The following TNPO1 variants were observed in gnomAD, a reference collection of about 807,000 sequenced individuals.
The protein encoded by TNPO1 is transportin 1.
In TNPO1, 8 loss-of-function variants were observed where a neutral mutation model predicts 119.5. That is an observed-to-expected ratio of 0.07 (90% confidence interval 0.04 to 0.12). The LOEUF is 0.12. Ranked by LOEUF, TNPO1 falls within the 10% of genes least tolerant of loss-of-function variation. The pLI, the probability that TNPO1 is intolerant of heterozygous loss-of-function variation, is 1.00. For missense variants in TNPO1, 576 were observed against 1,089.8 expected, an observed-to-expected ratio of 0.53 and a Z score of 6.64; for synonymous variants, 362 against 363.0, an observed-to-expected ratio of 1.00 and a Z score of 0.03.
At chr5:72,840,601 A>T (rs528723582) in intron 1 of TNPO1, among the ~76,000 whole-genome samples, 1 of 152,202 alleles carries the variant, frequency 6.6e-6, no homozygotes, top group Non-Finnish European at 1.5e-5. Flanking sequence ...TGTGAATATT[A>T]AATGGGCTAA....
chr5:72,831,656 A>G (rs1380726881), intron 1 of TNPO1, among the ~76,000 whole-genome samples: 2 of 152,044 alleles, frequency 1.3e-5, no homozygotes, highest in Non-Finnish European at 2.9e-5. Context: ...TATTCAAGAA[A>G]GCCTTTCTCT....
At chr5:72,823,797 AC>A (rs1277953397) in intron 1 of TNPO1, among the ~76,000 whole-genome samples, 6 of 152,152 alleles carry the variant, frequency 3.9e-5, no homozygotes, top group African/African-American at 1.4e-4. Context: ...CAGAAAAAAA[AC>A]CACACAACCA....
chr5:72,867,029 A>G (rs1399168988), intron 6 of TNPO1, among the ~76,000 whole-genome samples: 1 of 151,996 alleles, frequency 6.6e-6, no homozygotes, highest in East Asian at 1.9e-4. Context: ...AAGTTTAAAA[A>G]ATTAGCTGAG....
At chr5:72,863,770 C>T (rs1746664726) in intron 5 of TNPO1, among the ~76,000 whole-genome samples, 1 of 147,696 alleles carries the variant, frequency 6.8e-6, no homozygotes, top group South Asian at 2.1e-4. Flanking sequence ...TTTGGAAATA[C>T]ACTGATAAGA....
In TNPO1 at chr5:72,865,632, T is replaced by G; in HGVS notation, c.499T>G (p.Ser167Ala). Residue 167 changes from serine (S) to alanine (A), a missense_variant, in exon 6 of 25, where the codon TCT becomes GCT. By Grantham distance (99) the Ser-to-Ala change is moderately conservative (BLOSUM62 1). Around this residue, in one of 6 missense-constraint regions of TNPO1, gnomAD observed 310 missense variants for 583.0 expected, o/e 0.53. Transcript: ENST00000337273. ...FGALQKICED[S>A]AEILDSDVLD... is the part of the protein sequence containing the mutation. ...TGCCCTTCAGAAGATTTGTGAAGATTCTGCTGAGATTTTAGACAGTGATGT... is the reference window on the plus strand; with the variant it reads ...TGCCCTTCAGAAGATTTGTGAAGATGCTGCTGAGATTTTAGACAGTGATGT... 1.9e-6 allele frequency: 3 copies of G among 1,612,974 alleles called. No homozygotes were observed. The highest frequency in any genetic ancestry group is 2.5e-6 in the Non-Finnish European group (3 of 1,179,794).
chr5:72,886,623 G>A (rs1748655904), intron 11 of TNPO1, among the ~76,000 whole-genome samples: 2 of 151,980 alleles, frequency 1.3e-5, no homozygotes, highest in Admixed American at 6.6e-5. Flanking sequence ...TTTTGGCTGG[G>A]CATGGTGGCT....
intron 9 of TNPO1, chr5:72,879,002 C>A (rs937165874): frequency 9.1e-6 from 4 of 440,044 alleles, no homozygotes; most frequent in African/African-American, 4.2e-5. Context: ...TTTAGTTTGC[C>A]GCCAGGAGTC....
chr5:72,869,105 G>A (rs748241222), intron 6 of TNPO1, among the ~76,000 whole-genome samples: 84 of 152,110 alleles, frequency 5.5e-4, no homozygotes, highest in African/African-American at 1.4e-3. Context: ...TAATTTTTCC[G>A]TATTTTTATT....
At chr5:72,850,920 T>A (rs534537723) in intron 2 of TNPO1, among the ~76,000 whole-genome samples, 1 of 152,224 alleles carries the variant, frequency 6.6e-6, no homozygotes, top group Non-Finnish European at 1.5e-5. Flanking sequence ...AATACCTTTC[T>A]ATTTAGAATG....
chr5:72,905,176 G>GT (rs1241818856), intron 23 of TNPO1, 127 bp from the exon 24 acceptor site: 2 of 698,900 alleles, frequency 2.9e-6, no homozygotes, highest in East Asian at 5.4e-5. Context: ...ATCCTACGAA[G>GT]TTTGAGAATT....
At chr5:72,868,293 A>G (rs1181661326) in intron 6 of TNPO1, among the ~76,000 whole-genome samples, 3 of 151,926 alleles carry the variant, frequency 2.0e-5, no homozygotes, top group Admixed American at 6.6e-5. Flanking sequence ...TTAGCCGGGC[A>G]TGGTGGCGGG....
intron 11 of TNPO1, among the ~76,000 whole-genome samples, chr5:72,886,677 T>A (rs1298938539): frequency 6.6e-6 from 1 of 151,958 alleles, no homozygotes; most frequent in Non-Finnish European, 1.5e-5. Context: ...GGAGGGTGGA[T>A]CACGAGGTCA....
intron 7 of TNPO1, among the ~76,000 whole-genome samples, 160 bp downstream of exon 7, chr5:72,872,880 A>G (rs1033166775): frequency 3.3e-5 from 5 of 152,088 alleles, no homozygotes; most frequent in Non-Finnish European, 7.4e-5. Flanking sequence ...AAAACTGGAT[A>G]TGGGATAGAC....
At chr5:72,819,982 A>C (rs950740399) in intron 1 of TNPO1, among the ~76,000 whole-genome samples, 1 of 152,220 alleles carries the variant, frequency 6.6e-6, no homozygotes, top group Non-Finnish European at 1.5e-5. Context: ...AGAAAACCAT[A>C]AAATAAAAAT....
Position 72,833,205 on chromosome 5 carries a change from A to G in TNPO1, c.16-15180A>G, listed in dbSNP as rs139108786. On this transcript the variant is annotated intron_variant, in intron 1 of 24. Coordinates refer to ENST00000337273, the MANE Select transcript of TNPO1 (RefSeq NM_002270.4). ...TTAATCAGGATAGCAATATTAGATA[A>G]AAATTCAAATATATACCACATGATT... is the stretch of plus-strand genomic sequence containing the variant. Among the ~76,000 whole-genome samples, 209 of 152,330 alleles carry G rather than the reference A, an allele frequency of 1.4e-3. 2 individuals carry two copies. Among genetic ancestry groups the G allele is most frequent in the African/African-American group, 4.9e-3 (202 of 41,574 alleles).
At chr5:72,900,419 G>A (rs1207924445) in intron 21 of TNPO1, among the ~76,000 whole-genome samples, 6 of 152,024 alleles carry the variant, frequency 3.9e-5, no homozygotes, top group Non-Finnish European at 1.5e-5. Context: ...TTTGCATTAC[G>A]TTTCTTTTTT....
intron 1 of TNPO1, among the ~76,000 whole-genome samples, chr5:72,838,417 G>GTC (rs1282532355): frequency 6.6e-6 from 1 of 152,060 alleles, no homozygotes; most frequent in East Asian, 1.9e-4. Context: ...GTTTAGGTAT[G>GTC]TCTCACTTTA....
intron 11 of TNPO1, among the ~76,000 whole-genome samples, chr5:72,886,704 C>T (rs1391500934): frequency 6.6e-6 from 1 of 151,834 alleles, no homozygotes; most frequent in East Asian, 1.9e-4. Context: ...TGAGACCATC[C>T]TGGCCAACAT....
chr5:72,849,171 G>T (rs550436059), intron 2 of TNPO1, among the ~76,000 whole-genome samples: 1 of 152,164 alleles, frequency 6.6e-6, no homozygotes, highest in African/African-American at 2.4e-5. Context: ...TAAAGCTTTG[G>T]CTCAAGGCTG....
Sources: gnomAD v4.1 joint callset for allele counts (sites outside exome capture counted in the v4.1 genomes callset) on GRCh38, gnomAD v4.1.1 for gene constraint, gnomAD v4.1.1 regional missense constraint, MANE v1.5 for transcripts, NCBI Gene and HGNC (gene_info 2026-07-23, HGNC 2026-07-21) for gene names.